Variants in KAZN observed in about 807,000 individuals in gnomAD.
KAZN encodes kazrin, periplakin interacting protein, also known as kazrin.
A neutral mutation model predicts 87.4 loss-of-function variants in KAZN; 40 were observed. That is an observed-to-expected ratio of 0.46 (90% CI 0.36 to 0.60). KAZN has a LOEUF of 0.60. Among genes scored for constraint, KAZN ranks in the 20% least tolerant of loss-of-function variants. The pLI is 0.00. For synonymous variants in KAZN, 466 were observed against 458.3 expected, an observed-to-expected ratio of 1.02 and a Z score of -0.22; for missense variants, 898 against 1,073.9, an observed-to-expected ratio of 0.84 and a Z score of 2.29.
Position 14,598,992 on chromosome 1 carries a change from C to A in KAZN, c.-6C>A. On this transcript the variant is annotated 5_prime_UTR_variant, in exon 1 of 15. The change creates a new upstream start codon in the 5' untranslated region. Transcript: ENST00000376030. This position sits in a 1 kb window ranked among gnomAD's most constrained non-coding sequence, Gnocchi z 4.2. ...CCTCTCTCGCCCCCAGGCCAAAATC[C>A]TGAGCATGATGGAAGACAATAAGCA... 6.4e-7 allele frequency: 1 copy of A among 1,569,216 alleles called. No individual in the cohort carries two copies. The highest frequency in any genetic ancestry group is 1.2e-5 in the South Asian group (1 of 86,334).
At chr1:14,277,595 G>A (rs1007736572) in intron 2 of KAZN, among the ~76,000 whole-genome samples, 10 of 151,468 alleles carry the variant, frequency 6.6e-5, no homozygotes, top group Non-Finnish European at 1.3e-4. Context: ...CCCAGGAGGC[G>A]GAGGTTGCAG....
At chr1:14,577,362 T>C (rs1023532723) in intron 2 of KAZN, among the ~76,000 whole-genome samples, 1 of 152,236 alleles carries the variant, frequency 6.6e-6, no homozygotes, top group Non-Finnish European at 1.5e-5. Flanking sequence ...CGGTAATTCA[T>C]TAAGCCAATA....
chr1:14,721,488 A>G (rs1643100200), intron 1 of KAZN, among the ~76,000 whole-genome samples: 1 of 152,238 alleles, frequency 6.6e-6, no homozygotes, highest in Admixed American at 6.5e-5. Context: ...TAGCATGAGA[A>G]CAGACGAATA....
At chr1:14,407,446 G>A (rs187267033) in intron 2 of KAZN, among the ~76,000 whole-genome samples, 1 of 152,138 alleles carries the variant, frequency 6.6e-6, no homozygotes, top group Non-Finnish European at 1.5e-5. Flanking sequence ...GTAAATGGGG[G>A]GAAAAAGAGG....
chr1:15,101,883 A>C (rs1415000545), intron 11 of KAZN, 109 bp downstream of exon 11: 1 of 704,098 alleles, frequency 1.4e-6, no homozygotes, highest in Non-Finnish European at 2.5e-6. Context: ...CCATCTGTCC[A>C]CCCATCCATC....
intron 1 of KAZN, among the ~76,000 whole-genome samples, chr1:14,683,609 A>T (rs1277954459): frequency 1.3e-5 from 2 of 152,160 alleles, no homozygotes; most frequent in African/African-American, 4.8e-5. Context: ...CTTATTCACG[A>T]CCCATTTATT....
chr1:14,989,596 G>T (rs992068561), intron 2 of KAZN, among the ~76,000 whole-genome samples: 2 of 152,218 alleles, frequency 1.3e-5, no homozygotes, highest in Non-Finnish European at 2.9e-5. Context: ...TCAAATCCTG[G>T]CTCTGATGCA....
chr1:14,398,911 G>T (rs1317273345), intron 2 of KAZN, among the ~76,000 whole-genome samples: 2 of 152,086 alleles, frequency 1.3e-5, no homozygotes, highest in Non-Finnish European at 2.9e-5. Flanking sequence ...ATTACTCGGG[G>T]GTTTTCTTTC....
intron 1 of KAZN, among the ~76,000 whole-genome samples, chr1:14,729,689 G>A (rs1643586912): frequency 6.6e-6 from 1 of 152,174 alleles, no homozygotes; most frequent in South Asian, 2.1e-4. Context: ...AGCAGTCACT[G>A]GCTCGAAATG....
chr1:14,130,460 TG>T (rs1377927872), intron 1 of KAZN, among the ~76,000 whole-genome samples: 1 of 152,248 alleles, frequency 6.6e-6, no homozygotes, highest in African/African-American at 2.4e-5. Context: ...TACTTCCTGC[TG>T]CTTTATTCAT....
At chr1:14,896,907 A>G (rs1359787108) in intron 1 of KAZN, among the ~76,000 whole-genome samples, 1 of 152,178 alleles carries the variant, frequency 6.6e-6, no homozygotes, top group African/African-American at 2.4e-5. Context: ...ACTAGCACTC[A>G]CTTAAACTCT....
intron 1 of KAZN, among the ~76,000 whole-genome samples, chr1:14,678,302 C>G (rs547302410): frequency 6.6e-6 from 1 of 152,164 alleles, no homozygotes; most frequent in Non-Finnish European, 1.5e-5. Context: ...TCATCTTTCT[C>G]CCGTACTGGA....
chr1:13,907,016 G>T (rs1639462823), intron 1 of KAZN, among the ~76,000 whole-genome samples: 1 of 152,238 alleles, frequency 6.6e-6, no homozygotes, highest in Admixed American at 6.5e-5. Context: ...AATGCGTGGA[G>T]TGGTTATGGT....
intron 1 of KAZN, among the ~76,000 whole-genome samples, chr1:14,790,447 A>G (rs1645639836): frequency 6.6e-6 from 1 of 152,234 alleles, no homozygotes; most frequent in Non-Finnish European, 1.5e-5. Context: ...ATAATAATCC[A>G]CATACCATAA....
rs1212536809 is a variant in KAZN, at chr1:15,099,522, G to A, written c.1548-2021G>A. 2.6e-5 allele frequency among the ~76,000 whole-genome samples: 4 copies of A among 152,110 alleles called. No homozygotes were observed. The highest frequency in any genetic ancestry group is 4.8e-5 in the African/African-American group (2 of 41,398). On this transcript the variant is annotated intron_variant, in intron 10 of 14. Coordinates refer to ENST00000376030, the MANE Select transcript of KAZN (RefSeq NM_201628.3). The surrounding 1 kb of genome is among the most constrained non-coding windows in gnomAD (Gnocchi z 5.4). Reference sequence around the variant, plus strand: ...GGAGGGGTGAGCCCTGGGCAGGGTTGCAAGGGGCTGGCCGGGGAGGGGAAT... The same window carrying A: ...GGAGGGGTGAGCCCTGGGCAGGGTTACAAGGGGCTGGCCGGGGAGGGGAAT...
At chr1:14,377,843 G>C (rs773719407) in intron 2 of KAZN, among the ~76,000 whole-genome samples, 1 of 152,102 alleles carries the variant, frequency 6.6e-6, no homozygotes, top group Non-Finnish European at 1.5e-5. Flanking sequence ...GCTGTCTACA[G>C]GTTTTAGCAA....
chr1:14,369,295 T>C (rs771247376), intron 2 of KAZN, among the ~76,000 whole-genome samples: 1 of 152,194 alleles, frequency 6.6e-6, no homozygotes, highest in Non-Finnish European at 1.5e-5. Flanking sequence ...CGCTCTTCAG[T>C]TTCCTCGCTC....
chr1:14,944,952 G>A (rs1164812203), intron 1 of KAZN, among the ~76,000 whole-genome samples: 9 of 152,176 alleles, frequency 5.9e-5, no homozygotes, highest in Non-Finnish European at 8.8e-5. Flanking sequence ...CATTCGTTGG[G>A]TTTTGGGGTC....
chr1:14,050,128 G>A (rs538033567), intron 1 of KAZN, among the ~76,000 whole-genome samples: 471 of 151,860 alleles, frequency 3.1e-3, no homozygotes, highest in Non-Finnish European at 5.7e-3. Flanking sequence ...GGGCATGCAT[G>A]TGCACATGTG....
Sources: allele counts gnomAD v4.1 joint callset (sites outside exome capture counted in the v4.1 genomes callset), GRCh38; gene constraint gnomAD v4.1.1; non-coding constraint Gnocchi (gnomAD v3.1); transcripts MANE v1.5; gene names NCBI Gene and HGNC (gene_info 2026-07-23, HGNC 2026-07-21).